TMEM132C: variants seen among roughly 807,000 people sequenced by gnomAD.
TMEM132C encodes protein phosphatase 1, regulatory subunit 152.
In TMEM132C, 29 loss-of-function variants were observed where a neutral mutation model predicts 61.4. The ratio of observed to expected loss-of-function variants is 0.47; its 90% confidence interval spans 0.35 to 0.64. The LOEUF (loss-of-function observed/expected upper bound fraction) is 0.64, where lower values mean the gene tolerates loss of function less well. Among genes scored for constraint, TMEM132C ranks in the 30% least tolerant of loss-of-function variants. The probability of loss-of-function intolerance (pLI) is 0.00; values close to 1 mark genes in which losing one functional copy is unlikely to be tolerated. For missense variants in TMEM132C, 1,408 were observed against 1,476.9 expected, an observed-to-expected ratio of 0.95 and a Z score of 0.76; for synonymous variants, 656 against 633.1, an observed-to-expected ratio of 1.04 and a Z score of -0.54.
chr12:128,627,172 C>A (rs541491401), intron 4 of TMEM132C, among the ~76,000 whole-genome samples: 13 of 152,230 alleles, frequency 8.5e-5, no homozygotes, highest in Non-Finnish European at 1.8e-4. Context: ...TCCCTGCCCC[C>A]ATTCCAGCAC....
intron 1 of TMEM132C, among the ~76,000 whole-genome samples, chr12:128,378,323 A>G (rs1200284282): frequency 2.6e-5 from 4 of 152,038 alleles, no homozygotes; most frequent in Non-Finnish European, 5.9e-5. Context: ...TGACCATGTT[A>G]GCCAGGATGG....
At chr12:128,651,064 A>C (rs1225395445) in intron 4 of TMEM132C, among the ~76,000 whole-genome samples, 1 of 152,216 alleles carries the variant, frequency 6.6e-6, no homozygotes, top group Non-Finnish European at 1.5e-5. Flanking sequence ...AGCCTCGCCC[A>C]GATTTCTAAA....
intron 1 of TMEM132C, among the ~76,000 whole-genome samples, chr12:128,295,675 T>A (rs185048661): frequency 2.5e-4 from 38 of 149,050 alleles, no homozygotes; most frequent in Admixed American, 2.2e-3. Flanking sequence ...AAGGGTGGGG[T>A]ACAACCTGAA....
At chr12:128,575,316 T>C (rs1174811264) in intron 3 of TMEM132C, among the ~76,000 whole-genome samples, 2 of 152,114 alleles carry the variant, frequency 1.3e-5, no homozygotes, top group Non-Finnish European at 2.9e-5. Flanking sequence ...CCATCTCTAC[T>C]GAAAATACAA....
intron 2 of TMEM132C, among the ~76,000 whole-genome samples, chr12:128,430,030 G>A (rs1593050514): frequency 6.6e-6 from 1 of 152,150 alleles, no homozygotes; most frequent in Admixed American, 6.5e-5. Flanking sequence ...TCACTGGGCT[G>A]GTGGCTGCAG....
intron 2 of TMEM132C, among the ~76,000 whole-genome samples, chr12:128,543,074 G>C (rs1388003288): frequency 1.3e-5 from 2 of 152,156 alleles, no homozygotes; most frequent in Non-Finnish European, 2.9e-5. Context: ...GGCTGGCTAA[G>C]TGGTGTGATC....
intron 1 of TMEM132C, among the ~76,000 whole-genome samples, chr12:128,403,865 A>C (rs530519756): frequency 6.6e-6 from 1 of 152,134 alleles, no homozygotes; most frequent in Non-Finnish European, 1.5e-5. Context: ...GTTTCTTCCT[A>C]TGTATGTAAT....
At position 128,706,362 on chromosome 12, in the gene TMEM132C, G is replaced by A; in HGVS notation, c.*67G>A. 1.4e-6 allele frequency: 2 copies of A among 1,446,948 alleles called. No individual in the cohort carries two copies. The highest frequency in any genetic ancestry group is 1.8e-6 in the Non-Finnish European group (2 of 1,103,028). The allele number at this position is 1,446,948 out of a possible 1,614,324, so 89.6% of individuals were successfully genotyped here. A position where few individuals can be genotyped will look rare whatever the true frequency, so the allele number is the denominator to read the frequency against. On this transcript the variant is annotated 3_prime_UTR_variant, in exon 9 of 9. Transcript: ENST00000435159. ...ACTGGAAACTGGCCCAAGTGGGGCA[G>A]AAGGCGTTGTCAGTGGGGTTAAGAA...
At chr12:128,677,212 A>G (rs1402411710) in intron 5 of TMEM132C, among the ~76,000 whole-genome samples, 1 of 152,150 alleles carries the variant, frequency 6.6e-6, no homozygotes, top group East Asian at 1.9e-4. Context: ...TGGTTTTCTT[A>G]GTGTGGTGTC....
chr12:128,475,279 C>A (rs1871121271), intron 2 of TMEM132C, among the ~76,000 whole-genome samples: 1 of 152,188 alleles, frequency 6.6e-6, no homozygotes, highest in African/African-American at 2.4e-5. Context: ...CAGGCTTACA[C>A]ATAAAAGGTC....
At chr12:128,516,157 TAATAA>T (rs1378443544) in intron 2 of TMEM132C, among the ~76,000 whole-genome samples, 2 of 152,050 alleles carry the variant, frequency 1.3e-5, no homozygotes, top group East Asian at 1.9e-4. Flanking sequence ...ATTTAAAAAA[TAATAA>T]AATAAACACT....
chr12:128,311,160 C>T lies in TMEM132C; in HGVS notation c.85+43673C>T, dbSNP rs148066513. Among the ~76,000 whole-genome samples the T allele has an allele frequency of 2.1e-3, 323 of 152,292 alleles. 1 individual carries two copies. The highest frequency in any genetic ancestry group is 7.1e-3 in the African/African-American group (294 of 41,550). ...CAGAGCTAATTAGTCAGACCTAGAC[C>T]GCAGAAATCTGCACAGTCCTTTACC... On this transcript the variant is annotated intron_variant, in intron 1 of 8. Transcript: ENST00000435159.
intron 1 of TMEM132C, among the ~76,000 whole-genome samples, chr12:128,377,465 T>TCA (rs1210533846): frequency 6.6e-6 from 1 of 152,146 alleles, no homozygotes; most frequent in Non-Finnish European, 1.5e-5. Context: ...CAGGTGGTGT[T>TCA]TTTCCCATTG....
At chr12:128,347,838 A>G (rs113587039) in intron 1 of TMEM132C, among the ~76,000 whole-genome samples, 3 of 152,324 alleles carry the variant, frequency 2.0e-5, no homozygotes, top group African/African-American at 4.8e-5. Flanking sequence ...GAATCCTCAT[A>G]CTGTTTTCCA....
At chr12:128,400,848 G>A (rs1202646188) in intron 1 of TMEM132C, among the ~76,000 whole-genome samples, 2 of 151,616 alleles carry the variant, frequency 1.3e-5, no homozygotes, top group Non-Finnish European at 2.9e-5. Flanking sequence ...GACCTCAAGG[G>A]ATCCACCGCC....
chr12:128,421,893 T>G (rs1868999742), intron 2 of TMEM132C, among the ~76,000 whole-genome samples: 1 of 152,212 alleles, frequency 6.6e-6, no homozygotes, highest in African/African-American at 2.4e-5. Context: ...CTCTGTTCAC[T>G]GCTATATCCC....
chr12:128,399,933 T>C (rs1875091824), intron 1 of TMEM132C: 1 of 152,234 alleles, frequency 6.6e-6, no homozygotes, highest in African/African-American at 2.4e-5. Flanking sequence ...TGTCTCTGGC[T>C]GCGTCACAGG....
In TMEM132C at chr12:128,574,481, G is replaced by A. The variant is rs1307474008; in HGVS notation, c.1121+30378G>A. 5.9e-5 allele frequency among the ~76,000 whole-genome samples: 9 copies of A among 152,222 alleles called. 1 individual carries two copies. Among genetic ancestry groups the A allele is most frequent in the Admixed American group, 5.9e-4 (9 of 15,280 alleles). On this transcript the variant is annotated intron_variant, in intron 3 of 8. Coordinates refer to ENST00000435159, the MANE Select transcript of TMEM132C (RefSeq NM_001136103.3). The stretch of plus-strand genomic sequence containing the variant: ...AGCAGGTGAAGCCACTTTTGCACAT[G>A]ACTTCTTGTTCCGTCGTGGCGGCAC...
At position 128,351,929 on chromosome 12, in the gene TMEM132C, A is replaced by G. The variant is rs913683714; in HGVS notation, c.86-62803A>G. ...TTATTATAAGGAATTGGCTCATGCA[A>G]TTATGGAGGCTGAGAAGTCCCAAGA... On this transcript the variant is annotated intron_variant, in intron 1 of 8. Coordinates refer to ENST00000435159, the MANE Select transcript of TMEM132C (RefSeq NM_001136103.3). 2.0e-5 allele frequency among the ~76,000 whole-genome samples: 3 copies of G among 152,208 alleles called. No individual in the cohort carries two copies. The East Asian group carries it at 5.8e-4, about 29-fold the overall frequency.
Sources: gnomAD v4.1 joint callset for allele counts (sites outside exome capture counted in the v4.1 genomes callset) on GRCh38, gnomAD v4.1.1 for gene constraint, MANE v1.5 for transcripts, NCBI Gene and HGNC (gene_info 2026-07-23, HGNC 2026-07-21) for gene names.